The following PKNOX2 variants were observed in gnomAD, a reference collection of about 807,000 sequenced individuals.
PKNOX2 encodes the protein homeobox protein PKNOX2.
A neutral mutation model predicts 53.1 loss-of-function variants in PKNOX2; 14 were observed. The ratio of observed to expected loss-of-function variants is 0.26; its 90% CI spans 0.17 to 0.41. PKNOX2 has a LOEUF of 0.41. Ranked by LOEUF, PKNOX2 falls within the 10% of genes least tolerant of loss-of-function variation. The pLI is 1.00. For synonymous variants in PKNOX2, 257 were observed against 242.8 expected, an observed-to-expected ratio of 1.06 and a Z score of -0.54; for missense variants, 496 against 602.8, an observed-to-expected ratio of 0.82 and a Z score of 1.85.
chr11:125,327,983 C>G (rs149590274), intron 2 of PKNOX2, among the ~76,000 whole-genome samples: 2 of 152,220 alleles, frequency 1.3e-5, no homozygotes, highest in African/African-American at 4.8e-5. Context: ...AGTGATTCCT[C>G]TCTGAGTTGT....
At chr11:125,273,633 C>T (rs1457767107) in intron 2 of PKNOX2, among the ~76,000 whole-genome samples, 1 of 152,146 alleles carries the variant, frequency 6.6e-6, no homozygotes. Context: ...GGCACTTTGC[C>T]TTCCTAGGAG....
At chr11:125,308,422 A>G (rs761682084) in intron 2 of PKNOX2, among the ~76,000 whole-genome samples, 1 of 152,174 alleles carries the variant, frequency 6.6e-6, no homozygotes, top group African/African-American at 2.4e-5. Flanking sequence ...CGGGAGCTGC[A>G]TTCCTCCAGA....
intron 1 of PKNOX2, among the ~76,000 whole-genome samples, chr11:125,204,067 G>T (rs1021057301): frequency 6.6e-6 from 1 of 152,100 alleles, no homozygotes; most frequent in Non-Finnish European, 1.5e-5. Flanking sequence ...AGGGAGAGAG[G>T]TTCGACCTAG....
intron 5 of PKNOX2, among the ~76,000 whole-genome samples, chr11:125,382,828 A>G (rs1216739856): frequency 2.0e-5 from 3 of 152,252 alleles, no homozygotes; most frequent in African/African-American, 7.2e-5. Context: ...CTTCAGCCGA[A>G]TGGCTAAGCT....
At position 125,422,232 on chromosome 11, in the gene PKNOX2, C is replaced by G. The variant is rs536004983; in HGVS notation, c.937-6780C>G. ...AACCTGGGAACACTGTGGCCCCTTA[C>G]CCCAGCCACGACTGTCTTCATTCTA... On this transcript the variant is annotated intron_variant, in intron 10 of 12. Transcript: ENST00000298282. This position sits in a 1 kb window ranked among gnomAD's most constrained non-coding sequence, Gnocchi z 4.1. Among the ~76,000 whole-genome samples the G allele has an allele frequency of 6.6e-6, 1 of 152,298 alleles. No individual in the cohort carries two copies. Among genetic ancestry groups the G allele is most frequent in the East Asian group, 1.9e-4 (1 of 5,176 alleles).
At position 125,410,977 on chromosome 11, in the gene PKNOX2, C is replaced by A. The variant is rs1008286717; in HGVS notation, c.816+101C>A. ...ACTTTACACGGGTGACTCATTGAAT[C>A]CTCATCATCCTCTAAGAGGTATCAT... On this transcript the variant is annotated intron_variant, in intron 9 of 12. Transcript: ENST00000298282. 1.4e-5 allele frequency: 13 copies of A among 913,476 alleles called. No homozygotes were observed. The African/African-American group carries it at 2.1e-4, about 15-fold the overall frequency. The allele number at this position is 913,476 out of a possible 1,614,324, so 56.6% of individuals were successfully genotyped here.
chr11:125,208,012 G>A (rs1258137175), intron 1 of PKNOX2, among the ~76,000 whole-genome samples: 1 of 152,108 alleles, frequency 6.6e-6, no homozygotes, highest in Non-Finnish European at 1.5e-5. Context: ...AGAGGAGATA[G>A]GACAAATGTA....
chr11:125,374,748 C>T (rs1952741311), intron 5 of PKNOX2, among the ~76,000 whole-genome samples: 1 of 152,202 alleles, frequency 6.6e-6, no homozygotes, highest in Non-Finnish European at 1.5e-5. Flanking sequence ...AATCTGATGA[C>T]TTTTATCCTC....
chr11:125,343,095 G>A (rs780690788), intron 3 of PKNOX2, among the ~76,000 whole-genome samples: 3 of 152,046 alleles, frequency 2.0e-5, no homozygotes, highest in Non-Finnish European at 4.4e-5. Flanking sequence ...CAGCAGCTGT[G>A]GCCTCCCTCC....
chr11:125,274,768 G>T (rs1946046354), intron 2 of PKNOX2, among the ~76,000 whole-genome samples: 6 of 152,230 alleles, frequency 3.9e-5, no homozygotes, highest in Admixed American at 3.9e-4. Flanking sequence ...GACCACCTGT[G>T]AGGAATGTTG....
At chr11:125,376,699 A>C (rs1462061984) in intron 5 of PKNOX2, among the ~76,000 whole-genome samples, 3 of 152,044 alleles carry the variant, frequency 2.0e-5, no homozygotes, top group Non-Finnish European at 4.4e-5. Flanking sequence ...ATTCCCATTC[A>C]CTGATTCGTC....
intron 1 of PKNOX2, among the ~76,000 whole-genome samples, chr11:125,172,714 G>A (rs1266336409): frequency 6.6e-6 from 1 of 152,156 alleles, no homozygotes; most frequent in Non-Finnish European, 1.5e-5. Context: ...ATTGCTTCGT[G>A]GCTTTGTGGC....
chr11:125,330,714 A>T (rs1050797068), intron 2 of PKNOX2, among the ~76,000 whole-genome samples: 1 of 151,980 alleles, frequency 6.6e-6, no homozygotes, highest in African/African-American at 2.4e-5. Context: ...ACATACACAC[A>T]CACACCAGAA....
intron 10 of PKNOX2, among the ~76,000 whole-genome samples, chr11:125,419,665 G>A (rs965927581): frequency 6.6e-6 from 1 of 151,762 alleles, no homozygotes; most frequent in African/African-American, 2.4e-5. Flanking sequence ...GAAAGGCTGT[G>A]AGGCCATCAT....
intron 2 of PKNOX2, among the ~76,000 whole-genome samples, chr11:125,236,872 AT>A (rs1942741946): frequency 6.6e-6 from 1 of 152,218 alleles, no homozygotes; most frequent in African/African-American, 2.4e-5. Flanking sequence ...TGAGGGCTGG[AT>A]TTGAGAGGGA....
chr11:125,306,825 C>T (rs1412786519), intron 2 of PKNOX2, among the ~76,000 whole-genome samples: 6 of 152,172 alleles, frequency 3.9e-5, no homozygotes, highest in Non-Finnish European at 5.9e-5. Context: ...GACCAGGCCC[C>T]ACTACCCCCT....
At chr11:125,264,648 G>A (rs2135753837) in intron 2 of PKNOX2, among the ~76,000 whole-genome samples, 1 of 152,092 alleles carries the variant, frequency 6.6e-6, no homozygotes, top group South Asian at 2.1e-4. Flanking sequence ...CACTTTCAAG[G>A]GGCCTAGTTC....
At chr11:125,238,108 C>A (rs943124331) in intron 2 of PKNOX2, among the ~76,000 whole-genome samples, 1 of 152,144 alleles carries the variant, frequency 6.6e-6, no homozygotes, top group East Asian at 1.9e-4. Flanking sequence ...GACCCGGATG[C>A]AGCTAAATCC....
chr11:125,293,677 G>A lies in PKNOX2; in HGVS notation c.-129-38142G>A, dbSNP rs1427739807. Among the ~76,000 whole-genome samples the A allele has an allele frequency of 5.9e-5, 9 of 151,986 alleles. 1 individual carries two copies. The highest frequency in any genetic ancestry group is 2.0e-4 in the Admixed American group (3 of 15,250). Reference sequence around the variant, plus strand: ...TTTAAACTCAGGGAAGAATCAGGCCGCGTTGATGATCAGCCTCATGTGAAG... The same window carrying A: ...TTTAAACTCAGGGAAGAATCAGGCCACGTTGATGATCAGCCTCATGTGAAG... On this transcript the variant is annotated intron_variant, in intron 2 of 12. Coordinates refer to ENST00000298282, the MANE Select transcript of PKNOX2 (RefSeq NM_001382323.2).
Sources: allele counts gnomAD v4.1 joint callset (sites outside exome capture counted in the v4.1 genomes callset), GRCh38; gene constraint gnomAD v4.1.1; non-coding constraint Gnocchi (gnomAD v3.1); transcripts MANE v1.5; gene names NCBI Gene and HGNC (gene_info 2026-07-23, HGNC 2026-07-21).